Variants in ELMO1 observed in about 807,000 individuals in gnomAD.
ELMO1 encodes the protein engulfment and cell motility protein 1.
Under a neutral mutation model 98.9 loss-of-function variants are expected in ELMO1, and 26 were observed. The observed-to-expected ratio is 0.26, with a 90% confidence interval of 0.19 to 0.36. ELMO1 has a LOEUF of 0.36. Among genes scored for constraint, ELMO1 ranks in the 10% least tolerant of loss-of-function variants. The probability of loss-of-function intolerance (pLI) is 1.00; values close to 1 mark genes in which losing one functional copy is unlikely to be tolerated. For missense variants in ELMO1, 627 were observed against 935.2 expected (o/e 0.67, Z 4.30); for synonymous variants, 346 against 346.0 (o/e 1.00, Z 0.00).
At chr7:37,399,164 T>A (rs1803419252) in intron 1 of ELMO1, among the ~76,000 whole-genome samples, 1 of 152,194 alleles carries the variant, frequency 6.6e-6, no homozygotes, top group African/African-American at 2.4e-5. Context: ...CCTGCTGTGA[T>A]GTCATAGCCT....
At chr7:37,331,333 C>CTTGTTTTTTTT (rs1800100288) in intron 2 of ELMO1, among the ~76,000 whole-genome samples, 3 of 28,716 alleles carry the variant, frequency 1.0e-4, no homozygotes, top group Non-Finnish European at 1.4e-4. Flanking sequence ...CCACGCCTGG[C>CTTGTTTTTTTT]TTTTTTTTTT....
intron 15 of ELMO1, among the ~76,000 whole-genome samples, chr7:37,043,171 T>A (rs566039073): frequency 6.6e-6 from 1 of 152,240 alleles, no homozygotes; most frequent in Non-Finnish European, 1.5e-5. Context: ...TCCCTTCCAA[T>A]TACCACTAAA....
chr7:37,144,518 C>A (rs925734598), intron 13 of ELMO1, among the ~76,000 whole-genome samples: 3 of 152,080 alleles, frequency 2.0e-5, no homozygotes, highest in South Asian at 4.1e-4. Context: ...TTTTTTCCAC[C>A]TGTCTTGAAA....
chr7:36,914,717 T>C (rs1784569781), intron 16 of ELMO1, among the ~76,000 whole-genome samples: 1 of 152,124 alleles, frequency 6.6e-6, no homozygotes, highest in African/African-American at 2.4e-5. Context: ...TTTCACCATA[T>C]TGGCCAGGAT....
At chr7:37,038,802 C>A (rs1795334673) in intron 15 of ELMO1, among the ~76,000 whole-genome samples, 1 of 152,184 alleles carries the variant, frequency 6.6e-6, no homozygotes, top group Admixed American at 6.5e-5. Flanking sequence ...CTGGTGAGGG[C>A]CTTCTTCCTG....
chr7:37,046,772 G>T (rs1464899518), intron 15 of ELMO1, among the ~76,000 whole-genome samples: 1 of 152,112 alleles, frequency 6.6e-6, no homozygotes, highest in Non-Finnish European at 1.5e-5. Context: ...AAAGATCAAG[G>T]GAGTTTCTGG....
intron 2 of ELMO1, among the ~76,000 whole-genome samples, chr7:37,334,784 T>C (rs949827298): frequency 3.3e-5 from 5 of 152,238 alleles, no homozygotes; most frequent in Non-Finnish European, 5.9e-5. Context: ...TATGGAATTA[T>C]ATCTTAAATA....
At chr7:37,364,466 T>G (rs1801819914) in intron 1 of ELMO1, among the ~76,000 whole-genome samples, 1 of 152,236 alleles carries the variant, frequency 6.6e-6, no homozygotes, top group Non-Finnish European at 1.5e-5. Flanking sequence ...CCTAAATACC[T>G]AAATGTTCAT....
At chr7:37,080,352 C>T (rs139882310) in intron 15 of ELMO1, among the ~76,000 whole-genome samples, 5 of 152,086 alleles carry the variant, frequency 3.3e-5, no homozygotes, top group Non-Finnish European at 7.4e-5. Context: ...ATCTGCCCAA[C>T]GGCTTCTCTT....
At chr7:37,017,319 C>T (rs2129176239) in intron 15 of ELMO1, among the ~76,000 whole-genome samples, 1 of 152,282 alleles carries the variant, frequency 6.6e-6, no homozygotes, top group South Asian at 2.1e-4. Flanking sequence ...TACTCAGGCA[C>T]TAGGGAAAGG....
At chr7:37,098,619 T>A (rs1032926078) in intron 14 of ELMO1, among the ~76,000 whole-genome samples, 1 of 152,238 alleles carries the variant, frequency 6.6e-6, no homozygotes, top group African/African-American at 2.4e-5. Flanking sequence ...GCACTCAGTC[T>A]GCCCAAGCAT....
At chr7:37,000,798 G>A (rs1182553829) in intron 16 of ELMO1, among the ~76,000 whole-genome samples, 2 of 151,926 alleles carry the variant, frequency 1.3e-5, no homozygotes, top group South Asian at 2.1e-4. Flanking sequence ...CCACTGGCCT[G>A]GAAACAAGGC....
chr7:37,227,331 TTA>T (rs1388424419), intron 8 of ELMO1, among the ~76,000 whole-genome samples: 21 of 152,338 alleles, frequency 1.4e-4, no homozygotes, highest in Middle Eastern at 3.4e-3. Flanking sequence ...AATATCCTTT[TTA>T]CAATATTTCC....
intron 4 of ELMO1, among the ~76,000 whole-genome samples, chr7:37,295,141 G>GA (rs1326110043): frequency 6.6e-6 from 1 of 152,100 alleles, no homozygotes; most frequent in East Asian, 1.9e-4. Context: ...TACCTATGTA[G>GA]AAAACCTATA....
At chr7:37,033,864 G>A (rs370708265) in intron 15 of ELMO1, among the ~76,000 whole-genome samples, 3 of 152,018 alleles carry the variant, frequency 2.0e-5, no homozygotes, top group Admixed American at 6.6e-5. Flanking sequence ...TCAGGGGTGC[G>A]GAATAAAGAC....
chr7:37,219,155 C>T lies in ELMO1; in HGVS notation c.781-2460G>A, dbSNP rs1334854336. Among the ~76,000 whole-genome samples, 5 of 152,244 alleles carry T rather than the reference C, an allele frequency of 3.3e-5. No individual in the cohort carries two copies. In the East Asian group the frequency reaches 7.7e-4, roughly 23 times the overall value. On this transcript the variant is annotated intron_variant, in intron 10 of 21. Transcript: ENST00000310758. Reference sequence around the variant, plus strand: ...GGCATGGGAAAGCAAGGCCTCCACCCCTGGGGGAACCCTAGAAGGGAAGGG... The same window carrying T: ...GGCATGGGAAAGCAAGGCCTCCACCTCTGGGGGAACCCTAGAAGGGAAGGG...
intron 16 of ELMO1, among the ~76,000 whole-genome samples, chr7:37,002,583 A>G (rs1035145262): frequency 1.3e-5 from 2 of 152,238 alleles, no homozygotes; most frequent in African/African-American, 2.4e-5. Flanking sequence ...TGCCAGCTCT[A>G]TGACAGCAGG....
At chr7:37,259,475 AG>A in intron 5 of ELMO1, 125 bp from the exon 6 acceptor site, 1 of 1,054,504 alleles carries the variant, frequency 9.5e-7, no homozygotes, top group South Asian at 1.7e-5. Flanking sequence ...CATATTACAG[AG>A]TGGGCATCTC....
chr7:37,314,222 G>C (rs1799033384), intron 4 of ELMO1, among the ~76,000 whole-genome samples: 1 of 152,166 alleles, frequency 6.6e-6, no homozygotes, highest in African/African-American at 2.4e-5. Flanking sequence ...CTAAACAGAT[G>C]TAATGTGCAT....
Sources: gnomAD v4.1 joint callset for allele counts (sites outside exome capture counted in the v4.1 genomes callset) on GRCh38, gnomAD v4.1.1 for gene constraint, MANE v1.5 for transcripts, NCBI Gene and HGNC (gene_info 2026-07-23, HGNC 2026-07-21) for gene names.